The following PDE9A variants were observed in gnomAD, a reference collection of about 807,000 sequenced individuals.
PDE9A encodes phosphodiesterase 9A.
PDE9A carries 60 observed loss-of-function variants against 87.4 expected under a neutral mutation model. That is an observed-to-expected ratio of 0.69 (90% confidence interval 0.56 to 0.85). The LOEUF is 0.85. PDE9A is among the 40% of genes least tolerant of loss of function. The probability of loss-of-function intolerance (pLI) is 0.00; values close to 1 mark genes in which losing one functional copy is unlikely to be tolerated. For missense variants in PDE9A, 665 were observed against 779.0 expected (o/e 0.85, Z 1.74); for synonymous variants, 272 against 279.4 (o/e 0.97, Z 0.27).
chr21:42,688,597 G>C (rs967955355), intron 3 of PDE9A, among the ~76,000 whole-genome samples: 1 of 152,176 alleles, frequency 6.6e-6, no homozygotes, highest in African/African-American at 2.4e-5. Flanking sequence ...GGTGACCTGG[G>C]GAGACCCCAG....
intron 8 of PDE9A, among the ~76,000 whole-genome samples, chr21:42,749,722 C>A (rs930919125): frequency 6.6e-6 from 1 of 152,210 alleles, no homozygotes; most frequent in Non-Finnish European, 1.5e-5. Context: ...TATGGCCACA[C>A]CCTGGAGAAA....
intron 1 of PDE9A, among the ~76,000 whole-genome samples, chr21:42,666,116 C>G (rs569403961): frequency 6.6e-6 from 1 of 152,160 alleles, no homozygotes; most frequent in Non-Finnish European, 1.5e-5. Context: ...GGGGGCGTGG[C>G]CACCAGTGCA....
At chr21:42,766,331 C>G (rs7281151) in intron 15 of PDE9A, among the ~76,000 whole-genome samples, 2,148 of 151,436 alleles carry the variant, frequency 0.014, 36 homozygotes, top group African/African-American at 0.04. Context: ...TCTCAGATAA[C>G]AGAGAGAGAG....
At chr21:42,755,104 G>A (rs2054890509) in intron 10 of PDE9A, among the ~76,000 whole-genome samples, 1 of 152,144 alleles carries the variant, frequency 6.6e-6, no homozygotes, top group South Asian at 2.1e-4. Flanking sequence ...GCAGACCTCG[G>A]CCTCAGCTGT....
rs975625173 is a variant in PDE9A, at chr21:42,704,751, G to C, written c.262+5740G>C. ...TTCTAGACTAGCACAAGGCTCAGGG[G>C]GTGGGGGGTGGGGGCAGGGTGCAGG... On this transcript the variant is annotated intron_variant, in intron 4 of 19. Coordinates refer to ENST00000291539, the MANE Select transcript of PDE9A (RefSeq NM_002606.3). The surrounding 1 kb of genome is among the most constrained non-coding windows in gnomAD (Gnocchi z 5.3). Among the ~76,000 whole-genome samples the C allele has an allele frequency of 2.6e-5, 4 of 151,922 alleles. No individual in the cohort carries two copies. The highest frequency in any genetic ancestry group is 5.9e-5 in the Non-Finnish European group (4 of 67,946).
intron 1 of PDE9A, among the ~76,000 whole-genome samples, chr21:42,672,493 A>T (rs2300957): frequency 6.6e-6 from 1 of 152,118 alleles, no homozygotes; most frequent in East Asian, 1.9e-4. Context: ...ATAAAACCAC[A>T]GAACGCAGAA....
intron 4 of PDE9A, among the ~76,000 whole-genome samples, chr21:42,707,021 G>A (rs2048899990): frequency 6.6e-6 from 1 of 152,140 alleles, no homozygotes; most frequent in African/African-American, 2.4e-5. Flanking sequence ...CGTCACGTTT[G>A]GTTGATCCGT....
Position 42,731,907 on chromosome 21 carries a change from G to T in PDE9A, c.400G>T (p.Glu134Ter). 6.2e-7 allele frequency: 1 copy of T among 1,614,144 alleles called. No individual in the cohort carries two copies. The highest frequency in any genetic ancestry group is 8.5e-7 in the Non-Finnish European group (1 of 1,179,984). ...TGGACAGGTAGAGCCCAGGCCCAGA[G>T]AGCCCCAGGGCTGCTACCAGGAAGG... The part of the protein sequence containing the change: ...ESGQVEPRPR[E>*]PQGCYQEGQR... The change falls in exon 5 of 20, where the codon GAG becomes TAG. Residue 134 changes from glutamate (E) to a stop codon, truncating the protein, a stop_gained. Coordinates refer to ENST00000291539, the MANE Select transcript of PDE9A (RefSeq NM_002606.3). LOFTEE classifies it high-confidence loss of function.
chr21:42,682,505 G>A (rs1034388262), intron 1 of PDE9A, among the ~76,000 whole-genome samples: 5 of 152,222 alleles, frequency 3.3e-5, no homozygotes, highest in African/African-American at 1.2e-4. Context: ...TGTTTTGCTG[G>A]AAGACCTCAG....
At chr21:42,671,582 A>G (rs1255563760) in intron 1 of PDE9A, among the ~76,000 whole-genome samples, 1 of 152,244 alleles carries the variant, frequency 6.6e-6, no homozygotes. Flanking sequence ...TATATATATA[A>G]TTTGTAACTA....
intron 4 of PDE9A, among the ~76,000 whole-genome samples, chr21:42,725,217 G>T (rs552706373): frequency 6.6e-6 from 1 of 152,052 alleles, no homozygotes; most frequent in South Asian, 2.1e-4. Context: ...CAACCAAGAG[G>T]TCTCTCTCTT....
chr21:42,754,884 A>G (rs1188403885), intron 10 of PDE9A, among the ~76,000 whole-genome samples: 1 of 152,168 alleles, frequency 6.6e-6, no homozygotes, highest in Non-Finnish European at 1.5e-5. Context: ...CTTTTTCTTT[A>G]TAAGTTACCC....
chr21:42,701,362 A>G (rs938298597), intron 4 of PDE9A, among the ~76,000 whole-genome samples: 6 of 151,164 alleles, frequency 4.0e-5, no homozygotes, highest in African/African-American at 1.5e-4. Flanking sequence ...TGATTTTCTT[A>G]TAGTGCTGGT....
At chr21:42,698,400 C>T (rs1224211170) in intron 3 of PDE9A, among the ~76,000 whole-genome samples, 1 of 152,202 alleles carries the variant, frequency 6.6e-6, no homozygotes, top group East Asian at 1.9e-4. Context: ...TTCCCTGCCT[C>T]TTGGCCAGAG....
In PDE9A at chr21:42,760,732, C is replaced by G. The variant is rs1041422139; in HGVS notation, c.1003-93C>G. 1 of 783,240 alleles carries G rather than the reference C, an allele frequency of 1.3e-6. No individual in the cohort carries two copies. Among genetic ancestry groups the G allele is most frequent in the South Asian group, 1.4e-5 (1 of 69,848 alleles). 48.5% of individuals were successfully genotyped at this position (783,240 alleles called of 1,614,324 possible). On this transcript the variant is annotated intron_variant, in intron 12 of 19. Coordinates refer to ENST00000291539, the MANE Select transcript of PDE9A (RefSeq NM_002606.3). This position sits in a 1 kb window ranked among gnomAD's most constrained non-coding sequence, Gnocchi z 5.2. ...CAGATGGCTGCAGGGGCCTTTGTCC[C>G]CCGCTTACCACTCACCCAATTCCAC...
intron 4 of PDE9A, among the ~76,000 whole-genome samples, chr21:42,706,208 A>C (rs563409682): frequency 6.6e-6 from 1 of 152,370 alleles, no homozygotes; most frequent in East Asian, 1.9e-4. Flanking sequence ...GTCCAGATGC[A>C]GATGCGCTGT....
chr21:42,723,794 G>A lies in PDE9A; in HGVS notation c.263-7976G>A, dbSNP rs758644544. ...TCCCGATTTGCTCAAAAACTTCCAGGTCCAGAGGGACCCTAAAGACCCTGT... is the reference window on the plus strand; with the variant it reads ...TCCCGATTTGCTCAAAAACTTCCAGATCCAGAGGGACCCTAAAGACCCTGT... On this transcript the variant is annotated intron_variant, in intron 4 of 19. Transcript: ENST00000291539. The surrounding 1 kb of genome is among the most constrained non-coding windows in gnomAD (Gnocchi z 4.3). 6.6e-6 allele frequency among the ~76,000 whole-genome samples: 1 copy of A among 152,104 alleles called. No homozygotes were observed. The highest frequency in any genetic ancestry group is 1.5e-5 in the Non-Finnish European group (1 of 68,020).
intron 14 of PDE9A, among the ~76,000 whole-genome samples, chr21:42,763,237 C>T (rs887199694): frequency 2.0e-5 from 3 of 152,200 alleles, no homozygotes; most frequent in Non-Finnish European, 2.9e-5. Context: ...TGAATAGCAG[C>T]GTCCTTCAAA....
At chr21:42,743,713 C>T (rs1455815802) in intron 7 of PDE9A, 63 bp from the exon 8 acceptor site, 12 of 1,069,516 alleles carry the variant, frequency 1.1e-5, no homozygotes, top group Non-Finnish European at 1.7e-5. Flanking sequence ...TAGTTACCAG[C>T]CTTGAGAGAT....
Sources: gnomAD v4.1 joint callset for allele counts (sites outside exome capture counted in the v4.1 genomes callset) on GRCh38, gnomAD v4.1.1 for gene constraint, Gnocchi (gnomAD v3.1) non-coding constraint, MANE v1.5 for transcripts, NCBI Gene and HGNC (gene_info 2026-07-23, HGNC 2026-07-21) for gene names.